SYNE2: variants seen among roughly 807,000 people sequenced by gnomAD.
SYNE2 encodes spectrin repeat containing nuclear envelope protein 2.
In SYNE2, 431 loss-of-function variants were observed where a neutral mutation model predicts 856.3. That is an observed-to-expected ratio of 0.50 (90% confidence interval 0.47 to 0.55). SYNE2 has a LOEUF of 0.55. Among genes scored for constraint, SYNE2 ranks in the 20% least tolerant of loss-of-function variants. SYNE2 has a pLI of 0.00. For synonymous variants in SYNE2, 2,923 were observed against 2,872.3 expected, an observed-to-expected ratio of 1.02 and a Z score of -0.56; for missense variants, 8,129 against 8,023.2, an observed-to-expected ratio of 1.01 and a Z score of -0.50.
At chr14:64,151,771 A>G (rs1019821231) in intron 84 of SYNE2, among the ~76,000 whole-genome samples, 2 of 152,222 alleles carry the variant, frequency 1.3e-5, no homozygotes, top group Non-Finnish European at 2.9e-5. Context: ...TCTGAATGCC[A>G]AAGATCTCTT....
intron 109 of SYNE2, 39 bp downstream of exon 109, chr14:64,218,551 T>A (rs1451699527): frequency 6.3e-7 from 1 of 1,588,730 alleles, no homozygotes; most frequent in Admixed American, 1.7e-5. Flanking sequence ...AGAGGCAGAG[T>A]ATGGTATTTA....
intron 12 of SYNE2, among the ~76,000 whole-genome samples, 181 bp from the exon 13 acceptor site, chr14:63,977,724 C>T (rs2096555257): frequency 6.6e-6 from 1 of 152,006 alleles, no homozygotes; most frequent in East Asian, 1.9e-4. Flanking sequence ...CATGCCACTG[C>T]ACTCCAGCCT....
chr14:63,801,873 G>C (rs892814697), intron 1 of SYNE2, among the ~76,000 whole-genome samples: 19 of 146,672 alleles, frequency 1.3e-4, no homozygotes, highest in Non-Finnish European at 2.5e-4. Flanking sequence ...GTTTTTATAA[G>C]TATAAAGAAA....
At chr14:63,934,890 G>A (rs1222887110) in intron 2 of SYNE2, among the ~76,000 whole-genome samples, 4 of 152,142 alleles carry the variant, frequency 2.6e-5, no homozygotes, top group Admixed American at 1.3e-4. Context: ...GCTAGGAATG[G>A]ATAGGGCCCT....
intron 1 of SYNE2, among the ~76,000 whole-genome samples, chr14:63,908,418 TG>T (rs2095434021): frequency 6.6e-6 from 1 of 152,122 alleles, no homozygotes; most frequent in South Asian, 2.1e-4. Context: ...AAACTAATAG[TG>T]GTAAATAAAT....
intron 94 of SYNE2, among the ~76,000 whole-genome samples, chr14:64,170,766 A>G (rs2098406841): frequency 1.3e-5 from 2 of 152,182 alleles, no homozygotes; most frequent in Admixed American, 1.3e-4. Flanking sequence ...AACCACCCAG[A>G]TTCTTAAGCC....
intron 32 of SYNE2, among the ~76,000 whole-genome samples, chr14:64,014,115 T>G (rs971592554): frequency 3.9e-5 from 6 of 152,114 alleles, no homozygotes; most frequent in Non-Finnish European, 8.8e-5. Flanking sequence ...ATAAATGAAA[T>G]TATATAGTAT....
intron 106 of SYNE2, 59 bp downstream of exon 106, chr14:64,214,529 C>T: frequency 2.0e-6 from 3 of 1,502,764 alleles, no homozygotes; most frequent in Middle Eastern, 2.3e-4. Context: ...TTTTTAGCCC[C>T]TTAGCAACAC....
At chr14:64,130,343 T>A in intron 76 of SYNE2, 95 bp downstream of exon 76, 1 of 1,161,772 alleles carries the variant, frequency 8.6e-7, no homozygotes. Flanking sequence ...TTCTTCTTTG[T>A]TGAAATTTAA....
At chr14:64,050,752 C>T (rs2097219479) in intron 47 of SYNE2, among the ~76,000 whole-genome samples, 1 of 152,084 alleles carries the variant, frequency 6.6e-6, no homozygotes. Context: ...GACGTGGTTG[C>T]TCACACCTGT....
intron 8 of SYNE2, among the ~76,000 whole-genome samples, chr14:63,961,232 A>G (rs944327663): frequency 6.6e-6 from 1 of 152,222 alleles, no homozygotes; most frequent in African/African-American, 2.4e-5. Context: ...CTCTCTGACT[A>G]CTTATGCCTT....
chr14:63,999,105 C>T, intron 27 of SYNE2, 65 bp downstream of exon 27: 1 of 1,486,002 alleles, frequency 6.7e-7, no homozygotes, highest in Non-Finnish European at 9.3e-7. Flanking sequence ...CACTGTGAGT[C>T]TGGACATCCC....
chr14:64,142,189 AC>A (rs2098143751), intron 82 of SYNE2, 101 bp downstream of exon 82: 3 of 1,413,136 alleles, frequency 2.1e-6, no homozygotes, highest in Non-Finnish European at 3.0e-6. Flanking sequence ...ATTTCAAAAA[AC>A]TAATTCTAGG....
intron 99 of SYNE2, among the ~76,000 whole-genome samples, chr14:64,199,396 C>T (rs1393282563): frequency 6.6e-6 from 1 of 152,174 alleles, no homozygotes; most frequent in Non-Finnish European, 1.5e-5. Flanking sequence ...GTTTCCTCAT[C>T]TGTCAAGTAG....
chr14:63,927,717 C>A (rs886232883), intron 2 of SYNE2, among the ~76,000 whole-genome samples: 7 of 151,978 alleles, frequency 4.6e-5, no homozygotes, highest in Non-Finnish European at 1.5e-5. Context: ...CATGGTGAAA[C>A]CCCGCCTCTA....
In SYNE2 at chr14:64,003,182, G is replaced by A. The variant is rs1392926863; in HGVS notation, c.4249G>A (p.Gly1417Arg). The A allele has an allele frequency of 6.2e-7, 1 of 1,614,154 alleles. No individual in the cohort carries two copies. ...AAAGTTATCTGAGACACATGGCTAT[G>A]GGGTACAGGAGGAATTCACTGAGGA... ...SIKLSETHGY[G>R]VQEEFTEENK... Residue 1417 changes from glycine to arginine, a missense_variant, in exon 30 of 116, where the codon GGG becomes AGG. Transcript: ENST00000555002.
At chr14:63,852,610 A>C (rs1890636557), upstream of SYNE2, among the ~76,000 whole-genome samples, 1 of 152,146 alleles carries the variant, frequency 6.6e-6, no homozygotes, top group Admixed American at 6.5e-5. Context: ...TGACTTGCTC[A>C]TGGTCTGGTA....
rs780320173 is a variant in SYNE2 at position 64,215,288 on chromosome 14, G to A, written c.19336G>A (p.Val6446Ile). The change falls in exon 107 of 116, where the codon GTA (valine) becomes ATA (isoleucine). Residue 6446 changes from valine (V) to isoleucine (I), a missense_variant and splice_region_variant. This residue lies in a region of SYNE2 where 5,410 missense variants were observed against 5,284.8 expected (regional missense o/e 1.02). Transcript: ENST00000555002. ...CAAATGACATTGTTCTTTTTCAGAT[G>A]TAGAAATCCCTGAAAATCCTGAGGC... ...EGPYYSALSD[V>I]EIPENPEAYL... The A allele has an allele frequency of 3.7e-6, 6 of 1,614,004 alleles. No individual in the cohort carries two copies. In the East Asian group the frequency reaches 6.7e-5, roughly 18 times the overall value.
intron 53 of SYNE2, among the ~76,000 whole-genome samples, chr14:64,074,896 A>G (rs895353869): frequency 3.3e-5 from 5 of 150,818 alleles, no homozygotes; most frequent in African/African-American, 1.2e-4. Flanking sequence ...AAAAAAAGTC[A>G]CATGCTGTCT....
Sources: gnomAD v4.1 joint callset for allele counts (sites outside exome capture counted in the v4.1 genomes callset) on GRCh38, gnomAD v4.1.1 for gene constraint, gnomAD v4.1.1 regional missense constraint, MANE v1.5 for transcripts, NCBI Gene and HGNC (gene_info 2026-07-23, HGNC 2026-07-21) for gene names.